The following AMOTL1 variants were observed in gnomAD, a reference collection of about 807,000 sequenced individuals.
AMOTL1 encodes angiomotin-like protein 1.
Under a neutral mutation model 102.9 loss-of-function variants are expected in AMOTL1, and 45 were observed. The observed-to-expected ratio is 0.44, with a 90% CI of 0.34 to 0.56. AMOTL1 has a LOEUF of 0.56. Among genes scored for constraint, AMOTL1 ranks in the 20% least tolerant of loss-of-function variants. AMOTL1 has a pLI of 0.01. For missense variants in AMOTL1, 1,114 were observed against 1,225.6 expected (o/e 0.91, Z 1.36); for synonymous variants, 481 against 484.7 (o/e 0.99, Z 0.10).
chr11:94,762,551 GTAT>G (rs1006055082), intron 3 of AMOTL1, among the ~76,000 whole-genome samples: 1 of 152,194 alleles, frequency 6.6e-6, no homozygotes, highest in African/African-American at 2.4e-5. Context: ...AGCCAAAAAA[GTAT>G]TATGAGTTTT....
intron 3 of AMOTL1, among the ~76,000 whole-genome samples, chr11:94,757,140 A>G (rs1310947644): frequency 6.6e-6 from 1 of 152,152 alleles, no homozygotes. Flanking sequence ...ACAAAAAGAA[A>G]CTATGTGTCT....
chr11:94,835,997 A>G (rs1019240268), intron 6 of AMOTL1, among the ~76,000 whole-genome samples: 2 of 152,238 alleles, frequency 1.3e-5, no homozygotes, highest in Admixed American at 1.3e-4. Context: ...CTGGCTGGCA[A>G]TCATCATCTT....
intron 6 of AMOTL1, among the ~76,000 whole-genome samples, chr11:94,838,950 G>C (rs1350834061): frequency 6.6e-6 from 1 of 152,172 alleles, no homozygotes; most frequent in Admixed American, 6.5e-5. Context: ...TGAAGTCTTA[G>C]GGGTGCCTCT....
In AMOTL1 at chr11:94,874,224, A is replaced by G. The variant is rs1953056496; in HGVS notation, c.*3429A>G. On this transcript the variant is annotated 3_prime_UTR_variant, in exon 13 of 13. Coordinates refer to ENST00000433060, the MANE Select transcript of AMOTL1 (RefSeq NM_130847.3). ...GAACTATTACTGTCTGCAGGTCCAT[A>G]TAGCTAAGCTGCCAGGAAAAACACA... 2 of 152,254 alleles carry G rather than the reference A, an allele frequency of 1.3e-5. No homozygotes were observed. Among genetic ancestry groups the G allele is most frequent in the East Asian group, 1.9e-4 (1 of 5,204 alleles). The allele number at this position is 152,254 out of a possible 1,614,324, so 9.4% of individuals were successfully genotyped here. A position where few individuals can be genotyped will look rare whatever the true frequency, so the allele number is the denominator to read the frequency against.
intron 3 of AMOTL1, among the ~76,000 whole-genome samples, chr11:94,761,357 T>A (rs1419949104): frequency 6.6e-6 from 1 of 151,700 alleles, no homozygotes; most frequent in Non-Finnish European, 1.5e-5. Context: ...CCTGGCTAAT[T>A]TTTGTATTTT....
At position 94,799,808 on chromosome 11, in the gene AMOTL1, G is replaced by A; in HGVS notation, c.618G>A (p.Gln206=). ...CGCAGTTCTTCAGGGGGCAGCAGCA[G>A]CAGCAACAGCAGCAGGGGGCGGTGG... ...AQSQFFRGQQ[Q]QQQQQGAVGH... is the part of the protein sequence containing the mutation. The change falls in exon 3 of 13, where the codon CAG becomes CAA. Residue 206 remains glutamine (Q), a synonymous_variant. Transcript: ENST00000433060. This position sits in a 1 kb window ranked among gnomAD's most constrained non-coding sequence, Gnocchi z 4.5. 6.3e-7 allele frequency: 1 copy of A among 1,597,258 alleles called. No individual in the cohort carries two copies. Among genetic ancestry groups the A allele is most frequent in the South Asian group, 1.1e-5 (1 of 88,298 alleles).
At chr11:94,785,674 A>G (rs533618744) in intron 1 of AMOTL1, among the ~76,000 whole-genome samples, 5 of 152,276 alleles carry the variant, frequency 3.3e-5, no homozygotes, top group Admixed American at 3.3e-4. Context: ...CCTGACAGAT[A>G]TCCCAGTGTC....
intron 1 of AMOTL1, among the ~76,000 whole-genome samples, chr11:94,718,436 G>C (rs1591887273): frequency 6.6e-6 from 1 of 152,020 alleles, no homozygotes; most frequent in East Asian, 1.9e-4. Context: ...AGATTACTTA[G>C]AAGTGAAATT....
chr11:94,741,021 G>A, intron 3 of AMOTL1: 1 of 1,287,456 alleles, frequency 7.8e-7, no homozygotes, highest in Non-Finnish European at 1.0e-6. Flanking sequence ...TTATTTCTTG[G>A]TCGCAATTCT....
intron 1 of AMOTL1, among the ~76,000 whole-genome samples, chr11:94,774,779 G>T (rs1358178798): frequency 1.3e-5 from 2 of 152,194 alleles, no homozygotes; most frequent in Admixed American, 6.5e-5. Flanking sequence ...TTAAAACATA[G>T]CCCCTTTAAA....
intron 3 of AMOTL1, among the ~76,000 whole-genome samples, chr11:94,815,405 G>GT (rs1277383986): frequency 3.9e-5 from 6 of 152,084 alleles, no homozygotes; most frequent in African/African-American, 1.4e-4. Flanking sequence ...AACTCCACAG[G>GT]TTATAAAATG....
At chr11:94,784,175 T>C (rs536368186) in intron 1 of AMOTL1, among the ~76,000 whole-genome samples, 2 of 152,196 alleles carry the variant, frequency 1.3e-5, no homozygotes, top group East Asian at 3.9e-4. Flanking sequence ...ACTGGGACTT[T>C]TTGGCTGCAG....
At chr11:94,806,577 A>G (rs1951572721) in intron 3 of AMOTL1, among the ~76,000 whole-genome samples, 1 of 152,256 alleles carries the variant, frequency 6.6e-6, no homozygotes, top group East Asian at 1.9e-4. Flanking sequence ...TTTGAATACC[A>G]GCATGGGAAC....
intron 3 of AMOTL1, among the ~76,000 whole-genome samples, chr11:94,749,809 T>C (rs990605304): frequency 6.6e-6 from 1 of 152,222 alleles, no homozygotes. Flanking sequence ...TGTCTTTCTG[T>C]CTGATACCTC....
chr11:94,834,968 T>TAA (rs977971977), intron 6 of AMOTL1, among the ~76,000 whole-genome samples: 2 of 152,202 alleles, frequency 1.3e-5, no homozygotes, highest in African/African-American at 4.8e-5. Flanking sequence ...TACTTAATTC[T>TAA]AAAGACTGAA....
rs139382614 is a variant in AMOTL1, at chr11:94,773,924, G to C, written c.49+5364G>C. 3.5e-3 allele frequency among the ~76,000 whole-genome samples: 538 copies of C among 152,328 alleles called. 4 individuals carry two copies. Among genetic ancestry groups the C allele is most frequent in the African/African-American group, 0.012 (504 of 41,564 alleles). ...GTAGTATTTTGGATTGAGAACAGGT[G>C]TATCCTGGCCCTGCCGCCTCCTTGC... On this transcript the variant is annotated intron_variant, in intron 1 of 12. Transcript: ENST00000433060.
intron 4 of AMOTL1, among the ~76,000 whole-genome samples, chr11:94,825,928 A>T (rs1196647384): frequency 1.3e-5 from 2 of 152,238 alleles, no homozygotes; most frequent in Non-Finnish European, 2.9e-5. Context: ...AGAGAAGCTC[A>T]CTAATGGGTA....
At chr11:94,763,848 C>T (rs1216959762), upstream of AMOTL1, among the ~76,000 whole-genome samples, 1 of 152,052 alleles carries the variant, frequency 6.6e-6, no homozygotes, top group Non-Finnish European at 1.5e-5. Context: ...AGTTGACCTG[C>T]ACTGTTCAAA....
At chr11:94,844,633 A>G (rs1952371420) in intron 6 of AMOTL1, among the ~76,000 whole-genome samples, 1 of 152,098 alleles carries the variant, frequency 6.6e-6, no homozygotes, top group Non-Finnish European at 1.5e-5. Flanking sequence ...ATCAAGCAGA[A>G]CTCATTTTTT....
Sources: allele counts gnomAD v4.1 joint callset (sites outside exome capture counted in the v4.1 genomes callset), GRCh38; gene constraint gnomAD v4.1.1; non-coding constraint Gnocchi (gnomAD v3.1); transcripts MANE v1.5; gene names NCBI Gene and HGNC (gene_info 2026-07-23, HGNC 2026-07-21).